DRC3: variants seen among roughly 807,000 people sequenced by gnomAD.
DRC3 encodes the protein leucine rich repeat containing 48.
A neutral mutation model predicts 57.6 loss-of-function variants in DRC3; 45 were observed. The observed-to-expected ratio is 0.78, with a 90% confidence interval of 0.62 to 1.00. DRC3 has a LOEUF of 1.00. DRC3 is among the 50% of genes least tolerant of loss of function. DRC3 has a pLI of 0.00. For missense variants in DRC3, 655 were observed against 675.2 expected, an observed-to-expected ratio of 0.97 and a Z score of 0.33; for synonymous variants, 257 against 272.3, an observed-to-expected ratio of 0.94 and a Z score of 0.55.
rs139361529 is a variant in DRC3 at position 18,016,607 on chromosome 17, A to T, written c.1508A>T (p.Asn503Ile). ...AACCGCAAGCGCGTGAAGGAGATCA[A>T]TCAGTACATCGACCACATGCAGAGC... ...MRNRKRVKEINQYIDHMQSEL... is the reference protein window; with the variant it reads ...MRNRKRVKEIIQYIDHMQSEL... Residue 503 changes from asparagine to isoleucine, a missense_variant, in exon 14 of 14, where the codon AAT becomes ATT. Physicochemically the swap from Asn to Ile is moderately radical, Grantham distance 149. Coordinates refer to ENST00000399187, the MANE Select transcript of DRC3 (RefSeq NM_031294.4). The T allele has an allele frequency of 2.5e-6, 4 of 1,613,862 alleles. No individual in the cohort carries two copies. Among genetic ancestry groups the T allele is most frequent in the Non-Finnish European group, 3.4e-6 (4 of 1,179,876 alleles).
At chr17:17,984,027 G>A (rs2042839013) in intron 4 of DRC3, 83 bp downstream of exon 4, 2 of 851,274 alleles carry the variant, frequency 2.3e-6, no homozygotes, top group East Asian at 2.5e-5. Flanking sequence ...GACAATAATT[G>A]TGTGCGACAC....
At chr17:17,992,134 G>C (rs2145321755) in intron 5 of DRC3, among the ~76,000 whole-genome samples, 1 of 152,210 alleles carries the variant, frequency 6.6e-6, no homozygotes, top group South Asian at 2.1e-4. Context: ...AATTAGCCAG[G>C]TGTGGTGGTG....
At chr17:17,973,184 A>T (rs961008575) in intron 1 of DRC3, 3 of 152,138 alleles carry the variant, frequency 2.0e-5, no homozygotes, top group African/African-American at 4.8e-5. Context: ...TGAATAAAAA[A>T]AAAAAAAAAT....
chr17:17,983,736 T>A (rs2042824251), intron 3 of DRC3, 92 bp from the exon 4 acceptor site: 3 of 843,322 alleles, frequency 3.6e-6, no homozygotes, highest in Non-Finnish European at 5.9e-6. Context: ...GAGTTCTAGG[T>A]CCCTTTTGTG....
rs114544167 is a variant in DRC3, at chr17:17,977,126, G to A, written c.-17-456G>A. 4.5e-3 allele frequency among the ~76,000 whole-genome samples: 686 copies of A among 152,312 alleles called. 6 individuals carry two copies. The highest frequency in any genetic ancestry group is 0.016 in the African/African-American group (660 of 41,564). On this transcript the variant is annotated intron_variant, in intron 2 of 13. Transcript: ENST00000399187. ...GGCATACACACATGACGGCCTGGAG[G>A]GGGTGAGGTGCTCAAGGAAGAGGAG...
chr17:18,015,231 T>A, intron 12 of DRC3: 1 of 152,206 alleles, frequency 6.6e-6, no homozygotes. Flanking sequence ...ACAGAACGTT[T>A]TAGAGACCAT....
At chr17:17,983,792 C>G (rs775606672) in intron 3 of DRC3, 36 bp from the exon 4 acceptor site, 2 of 1,506,884 alleles carry the variant, frequency 1.3e-6, no homozygotes, top group Non-Finnish European at 1.8e-6. Context: ...AACTCTGACC[C>G]TAACCTGAGA....
intron 3 of DRC3, 128 bp from the exon 4 acceptor site, chr17:17,983,700 C>T (rs2042821885): frequency 1.6e-6 from 1 of 628,752 alleles, no homozygotes; most frequent in Non-Finnish European, 2.8e-6. Context: ...CTCCAGGGTG[C>T]CTGCGTACTC....
intron 5 of DRC3, among the ~76,000 whole-genome samples, chr17:17,990,930 G>T (rs1225258423): frequency 6.6e-6 from 1 of 152,188 alleles, no homozygotes; most frequent in Non-Finnish European, 1.5e-5. Context: ...GGTGGAGGTT[G>T]CAGTGAGCCG....
chr17:17,974,785 A>G (rs2042306589), intron 2 of DRC3, among the ~76,000 whole-genome samples: 1 of 152,110 alleles, frequency 6.6e-6, no homozygotes, highest in Non-Finnish European at 1.5e-5. Context: ...TACACCTACA[A>G]ATTGTCATGG....
chr17:17,999,047 C>G (rs1407368508), intron 9 of DRC3, among the ~76,000 whole-genome samples: 1 of 152,198 alleles, frequency 6.6e-6, no homozygotes, highest in Non-Finnish European at 1.5e-5. Context: ...TGATATTTAT[C>G]TGGTCCCTGT....
chr17:18,010,946 T>TTTTGTTTGTTTG (rs201338433), intron 12 of DRC3: 26 of 243,106 alleles, frequency 1.1e-4, no homozygotes, highest in East Asian at 1.4e-4. Context: ...GAGGTTTTTT[T>TTTTGTTTGTTTG]TTTGTTTGTT....
chr17:18,013,180 G>A (rs1304558091), intron 12 of DRC3, among the ~76,000 whole-genome samples: 2 of 152,136 alleles, frequency 1.3e-5, no homozygotes, highest in African/African-American at 4.8e-5. Context: ...CAAAGAAAAA[G>A]GAACTCATAT....
chr17:17,981,160 G>A (rs998311358), intron 3 of DRC3: 4 of 194,728 alleles, frequency 2.1e-5, no homozygotes, highest in Non-Finnish European at 4.6e-5. Context: ...AGAGCTGGGT[G>A]TAGAAAAGCC....
At chr17:17,994,117 G>A (rs2043350120) in intron 6 of DRC3, 182 bp from the exon 7 acceptor site, 1 of 718,832 alleles carries the variant, frequency 1.4e-6, no homozygotes, top group African/African-American at 1.8e-5. Context: ...ACCTGGTGAG[G>A]GTCATCAGGA....
At chr17:18,007,233 C>A in intron 12 of DRC3, 86 bp downstream of exon 12, 1 of 606,096 alleles carries the variant, frequency 1.6e-6, no homozygotes, top group Non-Finnish European at 2.4e-6. Context: ...GTAAGCCTGA[C>A]AACCTCCCAG....
intron 9 of DRC3, among the ~76,000 whole-genome samples, chr17:18,002,266 G>GAGGT (rs2043767012): frequency 6.6e-6 from 1 of 152,224 alleles, no homozygotes; most frequent in Admixed American, 6.5e-5. Context: ...TGTAAGGCTT[G>GAGGT]AGGTAGGGAT....
intron 2 of DRC3, among the ~76,000 whole-genome samples, chr17:17,974,605 G>A (rs1447114586): frequency 1.3e-5 from 2 of 152,096 alleles, no homozygotes; most frequent in Non-Finnish European, 2.9e-5. Context: ...AACTCCCACA[G>A]ACCTCTCCAA....
Position 17,995,079 on chromosome 17 carries a change from C to T in DRC3, c.792C>T (p.Ser264=), listed in dbSNP as rs763786025. 1.9e-6 allele frequency: 3 copies of T among 1,613,906 alleles called. No individual in the cohort carries two copies. Among genetic ancestry groups the T allele is most frequent in the Non-Finnish European group, 2.5e-6 (3 of 1,179,788 alleles). Reference sequence around the variant, plus strand: ...AGGACTCAGAGGGCAACAATCTGTCCTACCTGCCTGGTGTCGGTGAGCTCC... The same window carrying T: ...AGGACTCAGAGGGCAACAATCTGTCTTACCTGCCTGGTGTCGGTGAGCTCC... ...YAEDSEGNNL[S]YLPGVGELLE... is the part of the protein sequence containing the mutation. The change falls in exon 8 of 14, where the codon TCC becomes TCT. Residue 264 remains serine (S), a synonymous_variant. Coordinates refer to ENST00000399187, the MANE Select transcript of DRC3 (RefSeq NM_031294.4).
Sources: gnomAD v4.1 joint callset for allele counts (sites outside exome capture counted in the v4.1 genomes callset) on GRCh38, gnomAD v4.1.1 for gene constraint, MANE v1.5 for transcripts, NCBI Gene and HGNC (gene_info 2026-07-23, HGNC 2026-07-21) for gene names.